CD55: variants seen among roughly 807,000 people sequenced by gnomAD.
CD55 encodes the protein CD55 molecule (Cromer blood group).
A neutral mutation model predicts 45.8 loss-of-function variants in CD55; 41 were observed. The ratio of observed to expected loss-of-function variants is 0.90; its 90% CI spans 0.70 to 1.16. The LOEUF (loss-of-function observed/expected upper bound fraction) is 1.16, where lower values mean the gene tolerates loss of function less well. Ranked by LOEUF, CD55 falls within the 50% of genes most tolerant of loss-of-function variation. CD55 has a pLI of 0.00. For missense variants in CD55, 416 were observed against 469.8 expected (o/e 0.89, Z 1.06); for synonymous variants, 181 against 181.1 (o/e 1.00, Z 0.01).
At chr1:207,343,937 G>GT (rs1350172401) in intron 9 of CD55, among the ~76,000 whole-genome samples, 1 of 152,094 alleles carries the variant, frequency 6.6e-6, no homozygotes, top group Non-Finnish European at 1.5e-5. Flanking sequence ...TCTTTTTACT[G>GT]TTTTTTACCT....
chr1:207,337,570 T>G (rs2102408951), intron 8 of CD55, 161 bp downstream of exon 8: 1 of 451,516 alleles, frequency 2.2e-6, no homozygotes, highest in East Asian at 3.4e-5. Flanking sequence ...ACTTGGATTG[T>G]ACTAGGGCAA....
chr1:207,342,781 C>G (rs1655479765), intron 9 of CD55, among the ~76,000 whole-genome samples: 1 of 152,066 alleles, frequency 6.6e-6, no homozygotes, highest in Admixed American at 6.6e-5. Context: ...GGTATTAGTT[C>G]TCTTTTGTAT....
intron 3 of CD55, among the ~76,000 whole-genome samples, 200 bp from the exon 4 acceptor site, chr1:207,325,422 A>T (rs1485495239): frequency 6.6e-6 from 1 of 152,086 alleles, no homozygotes; most frequent in Non-Finnish European, 1.5e-5. Context: ...ATTTTTTCAA[A>T]ATTTTTACCT....
intron 9 of CD55, among the ~76,000 whole-genome samples, chr1:207,355,952 G>C (rs528955207): frequency 6.6e-6 from 1 of 151,914 alleles, no homozygotes; most frequent in African/African-American, 2.4e-5. Context: ...TTTTTCTTTC[G>C]AAGAAAACAG....
At chr1:207,335,864 A>G (rs937755853) in intron 6 of CD55, among the ~76,000 whole-genome samples, 1 of 152,116 alleles carries the variant, frequency 6.6e-6, no homozygotes, top group African/African-American at 2.4e-5. Flanking sequence ...ATTTCCCTTA[A>G]TCCTTCCTCA....
chr1:207,342,370 T>C (rs1474536088), intron 9 of CD55, among the ~76,000 whole-genome samples: 1 of 152,170 alleles, frequency 6.6e-6, no homozygotes, highest in Non-Finnish European at 1.5e-5. Flanking sequence ...GACATCCTTC[T>C]CTTGATCCAG....
intron 9 of CD55, among the ~76,000 whole-genome samples, chr1:207,339,983 T>C (rs1306454464): frequency 1.3e-5 from 2 of 152,194 alleles, no homozygotes; most frequent in Admixed American, 6.5e-5. Flanking sequence ...GGTCCTTTCT[T>C]CTAGTGACTA....
intron 9 of CD55, among the ~76,000 whole-genome samples, chr1:207,359,258 T>C (rs1415946568): frequency 6.6e-6 from 1 of 152,070 alleles, no homozygotes; most frequent in Non-Finnish European, 1.5e-5. Context: ...CACTTAGGAA[T>C]TCATTGACTT....
Position 207,354,066 on chromosome 1 carries a change from A to T in CD55, c.1082-5480A>T, listed in dbSNP as rs1017548032. ...ATCCCACATTTCTTCAAAAAAGATG[A>T]TGTGCATCCTCTAGGTCACTCCAGT... On this transcript the variant is annotated intron_variant, in intron 9 of 9. Transcript: ENST00000367064. 5.9e-6 allele frequency: 9 copies of T among 1,535,274 alleles called. No homozygotes were observed. In the African/African-American group the frequency reaches 1.2e-4, roughly 21 times the overall value.
At chr1:207,331,016 TTAAAA>T in intron 5 of CD55, 87 bp from the exon 6 acceptor site, 1 of 980,900 alleles carries the variant, frequency 1.0e-6, no homozygotes, top group Non-Finnish European at 1.5e-6. Flanking sequence ...TTTGATTTCT[TTAAAA>T]TATAATCTTT....
intron 9 of CD55, among the ~76,000 whole-genome samples, chr1:207,341,651 AC>A (rs1655430896): frequency 6.6e-6 from 1 of 152,152 alleles, no homozygotes; most frequent in Non-Finnish European, 1.5e-5. Context: ...GTTTTTGGTT[AC>A]TATAACCTTA....
chr1:207,337,102 A>G, intron 7 of CD55: 2 of 605,268 alleles, frequency 3.3e-6, no homozygotes, highest in Non-Finnish European at 5.9e-6. Context: ...CAGCTCAGAC[A>G]TCTTTCATAT....
chr1:207,343,474 G>C (rs1038536699), intron 9 of CD55, among the ~76,000 whole-genome samples: 2 of 151,974 alleles, frequency 1.3e-5, no homozygotes, highest in African/African-American at 4.8e-5. Flanking sequence ...TCATTTATTT[G>C]TACGGTTTCC....
At chr1:207,325,512 TG>T in intron 3 of CD55, 109 bp from the exon 4 acceptor site, 1 of 580,796 alleles carries the variant, frequency 1.7e-6, no homozygotes, top group Non-Finnish European at 3.0e-6. Context: ...CATTGTGAAA[TG>T]ATTAACACAG....
intron 9 of CD55, among the ~76,000 whole-genome samples, chr1:207,345,350 G>A (rs970687226): frequency 3.3e-5 from 5 of 151,708 alleles, no homozygotes; most frequent in African/African-American, 1.2e-4. Flanking sequence ...AGTATATTAT[G>A]TATTTAATAT....
Position 207,336,768 on chromosome 1 carries a change from C to T in CD55, c.929C>T (p.Ser310Leu). ...TTVNVPTTEV[S>L]PTSQKTTTKT... is the part of the protein sequence containing the mutation. The stretch of plus-strand genomic sequence containing the variant: ...GTAAATGTTCCAACTACAGAAGTCT[C>T]ACCAACTTCTCAGAAAACCACCACA... The change falls in exon 7 of 10, where the codon TCA becomes TTA. Residue 310 changes from serine (S) to leucine (L), a missense_variant. Ser to Leu is a moderately radical substitution (Grantham distance 145). Transcript: ENST00000367064. The T allele has an allele frequency of 6.2e-7, 1 of 1,613,628 alleles. No individual in the cohort carries two copies. Among genetic ancestry groups the T allele is most frequent in the Non-Finnish European group, 8.5e-7 (1 of 1,179,576 alleles).
chr1:207,333,766 T>G (rs1202358456), intron 6 of CD55, among the ~76,000 whole-genome samples: 2 of 152,192 alleles, frequency 1.3e-5, no homozygotes, highest in Non-Finnish European at 2.9e-5. Context: ...TAGATAGGTT[T>G]AGCTATTCAG....
chr1:207,352,375 C>A (rs1434157391), intron 9 of CD55, among the ~76,000 whole-genome samples: 1 of 151,970 alleles, frequency 6.6e-6, no homozygotes, highest in Admixed American at 6.6e-5. Flanking sequence ...TATCTGCACT[C>A]TGTACTTAAA....
chr1:207,335,734 A>C lies in CD55; in HGVS notation c.854-959A>C, dbSNP rs1352482616. Among the ~76,000 whole-genome samples, 6 of 152,208 alleles carry C rather than the reference A, an allele frequency of 3.9e-5. No individual in the cohort carries two copies. In the East Asian group the frequency reaches 1.2e-3, roughly 29 times the overall value. On this transcript the variant is annotated intron_variant, in intron 6 of 9. Coordinates refer to ENST00000367064, the MANE Select transcript of CD55 (RefSeq NM_000574.5). The stretch of plus-strand genomic sequence containing the variant: ...TGAGATAGGTTAGGAGGCAGAAAAA[A>C]ATGACCGATACCATCTGAGTTCCTA...
Sources: gnomAD v4.1 joint callset for allele counts (sites outside exome capture counted in the v4.1 genomes callset) on GRCh38, gnomAD v4.1.1 for gene constraint, MANE v1.5 for transcripts, NCBI Gene and HGNC (gene_info 2026-07-23, HGNC 2026-07-21) for gene names.